The following GRIN2A variants were observed in gnomAD, a reference collection of about 807,000 sequenced individuals.
The protein encoded by GRIN2A is glutamate ionotropic receptor NMDA type subunit 2A, also known as glutamate receptor ionotropic, NMDA 2A.
In GRIN2A, 22 loss-of-function variants were observed where a neutral mutation model predicts 113.4. The ratio of observed to expected loss-of-function variants is 0.19; its 90% CI spans 0.14 to 0.28. The LOEUF (loss-of-function observed/expected upper bound fraction) is 0.28, where lower values mean the gene tolerates loss of function less well. Among genes scored for constraint, GRIN2A ranks in the 10% least tolerant of loss-of-function variants. The pLI is 1.00. For missense variants in GRIN2A, 1,502 were observed against 1,887.0 expected (o/e 0.80, Z 3.78); for synonymous variants, 827 against 738.4 (o/e 1.12, Z -1.94).
rs1471646319 is a variant in GRIN2A at position 9,763,714 on chromosome 16, A to G, written c.3830T>C (p.Leu1277Pro). The G allele has an allele frequency of 6.2e-7, 1 of 1,614,046 alleles. No individual in the cohort carries two copies. Among genetic ancestry groups the G allele is most frequent in the South Asian group, 1.1e-5 (1 of 91,076 alleles). ...CCTTAGCTTGTTCTTTTGTAATTGA[A>G]GGGCATTGTTCTGTGCCCAGTCCTG... The part of the protein sequence containing the change: ...YQQDWAQNNA[L>P]QLQKNKLRIS... The change falls in exon 13 of 13, where the codon CTT (leucine) becomes CCT (proline). Residue 1277 changes from leucine (L) to proline (P), a missense_variant. Coordinates refer to ENST00000330684, the MANE Select transcript of GRIN2A (RefSeq NM_001134407.3).
In GRIN2A at chr16:10,180,473, G is replaced by C; in HGVS notation, c.-18-44C>G. 2 of 1,562,026 alleles carry C rather than the reference G, an allele frequency of 1.3e-6. No individual in the cohort carries two copies. On this transcript the variant is annotated intron_variant, in intron 1 of 12. Coordinates refer to ENST00000330684, the MANE Select transcript of GRIN2A (RefSeq NM_001134407.3). The surrounding 1 kb of genome is among the most constrained non-coding windows in gnomAD (Gnocchi z 7.0). ...GAGGCAGGGCCGCGGTGAGCAAGGC[G>C]ACCAGAAGAAAGGGATTACCAACTT...
At chr16:9,892,795 C>T (rs58536451) in intron 3 of GRIN2A, among the ~76,000 whole-genome samples, 3 of 152,050 alleles carry the variant, frequency 2.0e-5, no homozygotes, top group Non-Finnish European at 4.4e-5. Flanking sequence ...TTAAAGACAT[C>T]TGAGACAACA....
intron 3 of GRIN2A, among the ~76,000 whole-genome samples, chr16:9,931,356 G>T: frequency 6.6e-6 from 1 of 152,170 alleles, no homozygotes; most frequent in Admixed American, 6.5e-5. Flanking sequence ...TTATAATAAT[G>T]ACCTGATAGT....
At position 9,940,221 on chromosome 16, in the gene GRIN2A, T is replaced by A. The variant is rs577866408; in HGVS notation, c.415-1670A>T. Among the ~76,000 whole-genome samples, 18 of 152,242 alleles carry A rather than the reference T, an allele frequency of 1.2e-4. No individual in the cohort carries two copies. The East Asian group carries it at 3.3e-3, about 28-fold the overall frequency. On this transcript the variant is annotated intron_variant, in intron 2 of 12. Transcript: ENST00000330684. ...TATCAGAATGGGCCAAAAGCTATAG[T>A]TCTTCGAAATACTGCTCTTTTCTGA...
chr16:9,828,124 T>C (rs2042421400), intron 9 of GRIN2A, among the ~76,000 whole-genome samples: 1 of 152,042 alleles, frequency 6.6e-6, no homozygotes, highest in Non-Finnish European at 1.5e-5. Flanking sequence ...ATGAGAAGAT[T>C]GGGGAAGAAC....
intron 2 of GRIN2A, among the ~76,000 whole-genome samples, chr16:10,152,157 A>G (rs959878232): frequency 6.6e-6 from 1 of 152,200 alleles, no homozygotes; most frequent in South Asian, 2.1e-4. Flanking sequence ...AAAATCAAGC[A>G]GTGTAACCCA....
At chr16:10,176,838 T>TA (rs1273997397) in intron 2 of GRIN2A, among the ~76,000 whole-genome samples, 1 of 152,004 alleles carries the variant, frequency 6.6e-6, no homozygotes, top group Non-Finnish European at 1.5e-5. Context: ...CCCTAGAACT[T>TA]AAAGTAAAAA....
At chr16:10,013,691 G>C (rs543748752) in intron 2 of GRIN2A, among the ~76,000 whole-genome samples, 1 of 152,210 alleles carries the variant, frequency 6.6e-6, no homozygotes, top group African/African-American at 2.4e-5. Flanking sequence ...TCAGGAGCAA[G>C]GACAGCGAAA....
At chr16:10,167,655 G>A (rs1373504464) in intron 2 of GRIN2A, among the ~76,000 whole-genome samples, 1 of 152,218 alleles carries the variant, frequency 6.6e-6, no homozygotes, top group Non-Finnish European at 1.5e-5. Flanking sequence ...CATTAATGGA[G>A]CAAATATTCT....
At chr16:9,782,097 G>A (rs925435215) in intron 11 of GRIN2A, among the ~76,000 whole-genome samples, 2 of 152,168 alleles carry the variant, frequency 1.3e-5, no homozygotes, top group African/African-American at 2.4e-5. Flanking sequence ...AGATTGGGGT[G>A]ATTATATGTA....
At chr16:10,076,483 G>A (rs551952879) in intron 2 of GRIN2A, among the ~76,000 whole-genome samples, 8 of 152,276 alleles carry the variant, frequency 5.3e-5, no homozygotes, top group African/African-American at 1.7e-4. Context: ...GGCAAGGCAG[G>A]GTGGAGACAC....
At chr16:10,109,386 A>C (rs1231708639) in intron 2 of GRIN2A, among the ~76,000 whole-genome samples, 2 of 152,078 alleles carry the variant, frequency 1.3e-5, no homozygotes, top group Non-Finnish European at 2.9e-5. Flanking sequence ...TTCAGAAACT[A>C]GTGTTCAGAA....
chr16:10,058,412 A>C (rs759571197), intron 2 of GRIN2A, among the ~76,000 whole-genome samples: 4 of 152,262 alleles, frequency 2.6e-5, no homozygotes, highest in Admixed American at 6.5e-5. Context: ...TGTCGGTATT[A>C]ACATGCTAAA....
intron 2 of GRIN2A, among the ~76,000 whole-genome samples, chr16:9,989,898 G>T (rs1468172777): frequency 6.6e-6 from 1 of 152,140 alleles, no homozygotes; most frequent in Non-Finnish European, 1.5e-5. Context: ...TGTTGGCAAG[G>T]TTGCAGAGAA....
intron 10 of GRIN2A, among the ~76,000 whole-genome samples, chr16:9,802,187 T>A (rs1362902334): frequency 6.6e-6 from 1 of 152,192 alleles, no homozygotes; most frequent in African/African-American, 2.4e-5. Flanking sequence ...ATACTGGGTA[T>A]ACACCCAAAG....
At chr16:9,827,178 G>C (rs2042402308) in intron 9 of GRIN2A, among the ~76,000 whole-genome samples, 2 of 152,260 alleles carry the variant, frequency 1.3e-5, no homozygotes, top group South Asian at 4.1e-4. Flanking sequence ...CAGGCACCGT[G>C]AGGTGACATG....
intron 4 of GRIN2A, among the ~76,000 whole-genome samples, chr16:9,855,292 A>C (rs1466807064): frequency 1.3e-5 from 2 of 152,290 alleles, no homozygotes; most frequent in South Asian, 2.1e-4. Context: ...CTTCCATTTC[A>C]TATGCTGTTA....
intron 2 of GRIN2A, among the ~76,000 whole-genome samples, chr16:10,109,924 A>T (rs1331978754): frequency 6.6e-6 from 1 of 151,814 alleles, no homozygotes; most frequent in Non-Finnish European, 1.5e-5. Flanking sequence ...ATTATACTTT[A>T]AGTTTTAGGG....
At chr16:9,947,200 C>G (rs558770216) in intron 2 of GRIN2A, among the ~76,000 whole-genome samples, 1 of 152,160 alleles carries the variant, frequency 6.6e-6, no homozygotes, top group Non-Finnish European at 1.5e-5. Context: ...CCTCTCTTCA[C>G]AAATCTCACT....
Sources: allele counts gnomAD v4.1 joint callset (sites outside exome capture counted in the v4.1 genomes callset), GRCh38; gene constraint gnomAD v4.1.1; non-coding constraint Gnocchi (gnomAD v3.1); transcripts MANE v1.5; gene names NCBI Gene and HGNC (gene_info 2026-07-23, HGNC 2026-07-21).